The following IRAK2 variants were observed in gnomAD, a reference collection of about 807,000 sequenced individuals.
IRAK2 encodes the protein interleukin 1 receptor associated kinase 2.
A neutral mutation model predicts 72.0 loss-of-function variants in IRAK2; 57 were observed. The observed-to-expected ratio is 0.79, with a 90% CI of 0.64 to 0.99. The LOEUF is 0.99. Ranked by LOEUF, IRAK2 falls within the 50% of genes least tolerant of loss-of-function variation. The pLI is 0.00. For missense variants in IRAK2, 790 were observed against 794.4 expected (o/e 0.99, Z 0.07); for synonymous variants, 293 against 312.7 (o/e 0.94, Z 0.67).
intron 7 of IRAK2, among the ~76,000 whole-genome samples, chr3:10,217,790 A>G (rs746551380): frequency 6.6e-6 from 1 of 152,204 alleles, no homozygotes; most frequent in African/African-American, 2.4e-5. Flanking sequence ...ATTGCTTCCC[A>G]TGGCAGGGAC....
At chr3:10,194,551 C>T (rs1697234808) in intron 2 of IRAK2, among the ~76,000 whole-genome samples, 1 of 152,178 alleles carries the variant, frequency 6.6e-6, no homozygotes, top group African/African-American at 2.4e-5. Context: ...CTCATCCTGC[C>T]TTTGGTGTTC....
chr3:10,208,355 G>A (rs1437954801), intron 3 of IRAK2, among the ~76,000 whole-genome samples: 4 of 151,904 alleles, frequency 2.6e-5, no homozygotes, highest in Non-Finnish European at 4.4e-5. Context: ...AGGCTAGAGT[G>A]CAGTGGTGTG....
chr3:10,185,980 G>A (rs538786968), intron 2 of IRAK2, among the ~76,000 whole-genome samples: 2 of 151,712 alleles, frequency 1.3e-5, no homozygotes, highest in South Asian at 2.1e-4. Flanking sequence ...CTTGAACCAG[G>A]AGGCAGAGAT....
At chr3:10,237,595 C>T (rs538813498) in intron 11 of IRAK2, among the ~76,000 whole-genome samples, 15 of 152,022 alleles carry the variant, frequency 9.9e-5, no homozygotes, top group South Asian at 2.1e-4. Flanking sequence ...ATCACGAGGT[C>T]AGGAGATCGA....
chr3:10,236,506 C>T (rs1697963124), intron 11 of IRAK2, among the ~76,000 whole-genome samples: 1 of 151,974 alleles, frequency 6.6e-6, no homozygotes, highest in African/African-American at 2.4e-5. Context: ...TGCCACCACA[C>T]CCAGCTAATT....
chr3:10,184,480 T>A (rs933144338), intron 2 of IRAK2, among the ~76,000 whole-genome samples: 2 of 152,118 alleles, frequency 1.3e-5, no homozygotes, highest in African/African-American at 4.8e-5. Flanking sequence ...TATGTGTGGG[T>A]GATGTGTAGC....
chr3:10,238,021 AC>A (rs1697993757), intron 11 of IRAK2, among the ~76,000 whole-genome samples: 1 of 150,840 alleles, frequency 6.6e-6, no homozygotes, highest in Non-Finnish European at 1.5e-5. Context: ...CTCCCTAACC[AC>A]AAAAACCTTC....
At chr3:10,185,018 C>A (rs62238359) in intron 2 of IRAK2, among the ~76,000 whole-genome samples, 26,002 of 150,434 alleles carry the variant, frequency 0.17, 2,887 homozygotes, top group African/African-American at 0.27. Flanking sequence ...GGCGTGAGCC[C>A]CTGCGCCGGG....
chr3:10,197,792 T>C (rs1457496988), intron 2 of IRAK2, among the ~76,000 whole-genome samples: 6 of 142,866 alleles, frequency 4.2e-5, no homozygotes, highest in African/African-American at 1.3e-4. Flanking sequence ...GCGGAGCTTG[T>C]AGTGAGCCGA....
At chr3:10,189,825 G>T (rs969549557) in intron 2 of IRAK2, among the ~76,000 whole-genome samples, 2 of 152,006 alleles carry the variant, frequency 1.3e-5, no homozygotes, top group Non-Finnish European at 2.9e-5. Context: ...CTCTTGGAAG[G>T]CTGCCCTGCC....
chr3:10,222,581 A>G, intron 8 of IRAK2, 55 bp from the exon 9 acceptor site: 3 of 1,478,910 alleles, frequency 2.0e-6, no homozygotes, highest in Middle Eastern at 1.7e-4. Flanking sequence ...CTCCATGGCA[A>G]CTTGTTGTTA....
intron 10 of IRAK2, among the ~76,000 whole-genome samples, chr3:10,229,413 C>G (rs1481010516): frequency 1.3e-5 from 2 of 152,170 alleles, no homozygotes; most frequent in South Asian, 2.1e-4. Flanking sequence ...TGGCGCCCAG[C>G]CTGTATGAGT....
intron 10 of IRAK2, among the ~76,000 whole-genome samples, chr3:10,227,309 G>A (rs1390038566): frequency 7.2e-5 from 11 of 151,880 alleles, no homozygotes; most frequent in African/African-American, 2.4e-4. Context: ...TTAGCCAAGC[G>A]TAGTGGCACA....
Position 10,238,928 on chromosome 3 carries a change from G to A in IRAK2, c.1654G>A (p.Ala552Thr), listed in dbSNP as rs200448288. 4 of 1,614,082 alleles carry A rather than the reference G, an allele frequency of 2.5e-6. No homozygotes were observed. In the East Asian group the frequency reaches 6.7e-5, roughly 27 times the overall value. The change falls in exon 12 of 13, where the codon GCC becomes ACC. Residue 552 changes from alanine (A) to threonine (T), a missense_variant. By Grantham distance (58) the Ala-to-Thr change is moderately conservative. Transcript: ENST00000256458. ...SMSVAPWAGA[A>T]TPLLPTENGE... Reference sequence around the variant, plus strand: ...GAGTGTGGCACCCTGGGCAGGGGCTGCCACCCCACTTCTCCCCACAGAGAA... The same window carrying A: ...GAGTGTGGCACCCTGGGCAGGGGCTACCACCCCACTTCTCCCCACAGAGAA...
At chr3:10,181,210 G>A (rs1696954251) in intron 2 of IRAK2, among the ~76,000 whole-genome samples, 1 of 152,056 alleles carries the variant, frequency 6.6e-6, no homozygotes, top group Non-Finnish European at 1.5e-5. Context: ...GAACCCACCT[G>A]AAACCCCTCC....
rs771868320 is a variant in IRAK2, at chr3:10,209,701, A to T, written c.528+9A>T. 1.4e-6 allele frequency: 2 copies of T among 1,440,496 alleles called. No individual in the cohort carries two copies. The highest frequency in any genetic ancestry group is 1.8e-6 in the Non-Finnish European group (2 of 1,088,018). 89.2% of individuals were successfully genotyped at this position (1,440,496 alleles called of 1,614,324 possible). A position where few individuals can be genotyped will look rare whatever the true frequency, so the allele number is the denominator to read the frequency against. Reference sequence around the variant, plus strand: ...CTTCGTCTGATTCAAAGGTAAATCCACCCCTCGGCTGCAGCCCCCAAGCCA... The same window carrying T: ...CTTCGTCTGATTCAAAGGTAAATCCTCCCCTCGGCTGCAGCCCCCAAGCCA... On this transcript the variant is annotated intron_variant, in intron 4 of 12. Coordinates refer to ENST00000256458, the MANE Select transcript of IRAK2 (RefSeq NM_001570.4).
chr3:10,235,464 T>G (rs924081512), intron 11 of IRAK2, among the ~76,000 whole-genome samples: 10 of 152,130 alleles, frequency 6.6e-5, no homozygotes, highest in Non-Finnish European at 1.2e-4. Context: ...TGTCCGGCCT[T>G]GCTTGGTCTT....
At chr3:10,184,679 A>T (rs1486814980) in intron 2 of IRAK2, among the ~76,000 whole-genome samples, 1 of 150,826 alleles carries the variant, frequency 6.6e-6, no homozygotes, top group Non-Finnish European at 1.5e-5. Context: ...GCAGAGGAGC[A>T]ATTGTAAAAC....
At chr3:10,223,171 G>C (rs1697722665) in intron 9 of IRAK2, among the ~76,000 whole-genome samples, 1 of 152,174 alleles carries the variant, frequency 6.6e-6, no homozygotes, top group South Asian at 2.1e-4. Flanking sequence ...TGAGTGTCCA[G>C]GTTCTAGTAG....
Sources: allele counts gnomAD v4.1 joint callset (sites outside exome capture counted in the v4.1 genomes callset), GRCh38; gene constraint gnomAD v4.1.1; transcripts MANE v1.5; gene names NCBI Gene and HGNC (gene_info 2026-07-23, HGNC 2026-07-21).